ITGB5: variants seen among roughly 807,000 people sequenced by gnomAD.
ITGB5 encodes the protein integrin beta-5.
Under a neutral mutation model 84.8 loss-of-function variants are expected in ITGB5, and 38 were observed. That is an observed-to-expected ratio of 0.45 (90% CI 0.35 to 0.59). The LOEUF (loss-of-function observed/expected upper bound fraction) is 0.59. ITGB5 is among the 20% of genes least tolerant of loss of function. ITGB5 has a pLI of 0.01. For missense variants in ITGB5, 905 were observed against 1,034.5 expected, an observed-to-expected ratio of 0.87 and a Z score of 1.72; for synonymous variants, 393 against 414.4, an observed-to-expected ratio of 0.95 and a Z score of 0.63.
intron 1 of ITGB5, among the ~76,000 whole-genome samples, chr3:124,882,424 T>C (rs770080382): frequency 2.0e-5 from 3 of 152,044 alleles, no homozygotes; most frequent in Admixed American, 6.6e-5. Flanking sequence ...CAGGAGATGC[T>C]AGAAAAAGGG....
chr3:124,771,784 C>G lies in ITGB5; in HGVS notation c.1916+1906G>C, dbSNP rs188856004. ...AAAAAAAAAGGAATCGTGATATTCCCTTGTGGCATCTCTTTGCTCTCCTTG... is the reference window on the plus strand; with the variant it reads ...AAAAAAAAAGGAATCGTGATATTCCGTTGTGGCATCTCTTTGCTCTCCTTG... On this transcript the variant is annotated intron_variant, in intron 11 of 14. Coordinates refer to ENST00000296181, the MANE Select transcript of ITGB5 (RefSeq NM_002213.5). Among the ~76,000 whole-genome samples, 985 of 149,302 alleles carry G rather than the reference C, an allele frequency of 6.6e-3. 7 individuals are homozygous for G. The highest frequency in any genetic ancestry group is 0.023 in the African/African-American group (905 of 39,980).
intron 1 of ITGB5, among the ~76,000 whole-genome samples, chr3:124,883,738 G>A (rs961978458): frequency 4.6e-5 from 7 of 152,208 alleles, no homozygotes; most frequent in African/African-American, 1.7e-4. Flanking sequence ...AATTCCAGCG[G>A]TGTTGCAGGA....
intron 10 of ITGB5, among the ~76,000 whole-genome samples, chr3:124,788,171 A>T (rs2064109383): frequency 6.6e-6 from 1 of 152,084 alleles, no homozygotes; most frequent in Non-Finnish European, 1.5e-5. Context: ...CCAAAGTGCT[A>T]GGGTTACAGG....
At chr3:124,809,330 C>T (rs1169413384) in intron 8 of ITGB5, 174 bp from the exon 9 acceptor site, 2 of 624,496 alleles carry the variant, frequency 3.2e-6, no homozygotes, top group African/African-American at 1.8e-5. Flanking sequence ...CTTCTCTCTG[C>T]ACTCACACAA....
chr3:124,832,023 C>T (rs1172467571), intron 5 of ITGB5, among the ~76,000 whole-genome samples: 3 of 152,220 alleles, frequency 2.0e-5, no homozygotes, highest in Admixed American at 2.0e-4. Flanking sequence ...AACCTTGGGA[C>T]AGTACCAGTG....
chr3:124,795,640 T>G (rs1246278209), intron 10 of ITGB5, among the ~76,000 whole-genome samples: 2 of 152,126 alleles, frequency 1.3e-5, no homozygotes, highest in African/African-American at 4.8e-5. Flanking sequence ...ATGGGGAGAC[T>G]TTCCAGGGTT....
chr3:124,859,608 C>T (rs1157891042), intron 2 of ITGB5, among the ~76,000 whole-genome samples, 162 bp from the exon 3 acceptor site: 1 of 152,188 alleles, frequency 6.6e-6, no homozygotes, highest in Non-Finnish European at 1.5e-5. Flanking sequence ...CCAGATGCTT[C>T]ACCAAGTATT....
intron 10 of ITGB5, chr3:124,787,771 C>T (rs1472989461): frequency 6.6e-6 from 1 of 152,246 alleles, no homozygotes; most frequent in Admixed American, 6.5e-5. Context: ...GGCTGGCTGA[C>T]TCCAGAGATG....
chr3:124,852,394 C>T (rs2065169908), intron 3 of ITGB5, among the ~76,000 whole-genome samples: 1 of 151,968 alleles, frequency 6.6e-6, no homozygotes. Context: ...AAGCTGATCA[C>T]CTGGCACCTG....
intron 8 of ITGB5, 198 bp from the exon 9 acceptor site, chr3:124,809,354 C>G: frequency 1.7e-6 from 1 of 573,070 alleles, no homozygotes; most frequent in Non-Finnish European, 3.1e-6. Context: ...CTTGCTAGAC[C>G]CAGCCTGAGG....
intron 11 of ITGB5, among the ~76,000 whole-genome samples, chr3:124,773,260 G>C (rs559435083): frequency 3.3e-5 from 5 of 152,244 alleles, no homozygotes. Context: ...TAAGGGTTCT[G>C]TGAAACACTG....
At chr3:124,794,888 G>A (rs1328139220) in intron 10 of ITGB5, among the ~76,000 whole-genome samples, 2 of 152,064 alleles carry the variant, frequency 1.3e-5, no homozygotes, top group East Asian at 3.8e-4. Flanking sequence ...AAAGGTGAAT[G>A]TATTGTCAGG....
At chr3:124,826,699 C>T (rs916825219) in intron 5 of ITGB5, among the ~76,000 whole-genome samples, 1 of 152,204 alleles carries the variant, frequency 6.6e-6, no homozygotes, top group Non-Finnish European at 1.5e-5. Context: ...AATTCATAAA[C>T]GTGCCTGGTT....
intron 5 of ITGB5, among the ~76,000 whole-genome samples, chr3:124,825,140 T>C (rs1282251670): frequency 6.9e-6 from 1 of 145,818 alleles, no homozygotes; most frequent in Non-Finnish European, 1.5e-5. Flanking sequence ...CAGTTTGCAG[T>C]GAGCCAAGAT....
intron 1 of ITGB5, among the ~76,000 whole-genome samples, chr3:124,879,350 T>C (rs1316515006): frequency 6.6e-6 from 1 of 152,240 alleles, no homozygotes; most frequent in African/African-American, 2.4e-5. Flanking sequence ...CAGAAGTGAA[T>C]ACAGAAGCTG....
intron 1 of ITGB5, among the ~76,000 whole-genome samples, chr3:124,896,742 G>A (rs1207599487): frequency 1.7e-5 from 1 of 59,252 alleles, no homozygotes; most frequent in Admixed American, 2.2e-4. Flanking sequence ...GTGAGACCTT[G>A]TCTTAAAAAA....
chr3:124,899,132 A>G (rs987525773), intron 1 of ITGB5, among the ~76,000 whole-genome samples: 5 of 152,072 alleles, frequency 3.3e-5, no homozygotes, highest in Non-Finnish European at 7.4e-5. Flanking sequence ...AGAAAATGGT[A>G]AAGACCCCTT....
At chr3:124,889,595 T>C (rs1336653119), upstream of ITGB5, among the ~76,000 whole-genome samples, 2 of 152,254 alleles carry the variant, frequency 1.3e-5, no homozygotes, top group East Asian at 3.8e-4. Flanking sequence ...TCCTCATGTT[T>C]GTTTTGATGT....
At position 124,763,571 on chromosome 3, in the gene ITGB5, C is replaced by T; in HGVS notation, c.*52G>A. ...AGCCGAGCAGCCGTGCAAGGCGTTTCAGTCTGACCTTTTCATCAGATCCCC... is the reference window on the plus strand; with the variant it reads ...AGCCGAGCAGCCGTGCAAGGCGTTTTAGTCTGACCTTTTCATCAGATCCCC... On this transcript the variant is annotated 3_prime_UTR_variant, in exon 15 of 15. Coordinates refer to ENST00000296181, the MANE Select transcript of ITGB5 (RefSeq NM_002213.5). 8.8e-7 allele frequency: 1 copy of T among 1,131,698 alleles called. No homozygotes were observed. The allele number at this position is 1,131,698 out of a possible 1,614,324, so 70.1% of individuals were successfully genotyped here.
Sources: allele counts gnomAD v4.1 joint callset (sites outside exome capture counted in the v4.1 genomes callset), GRCh38; gene constraint gnomAD v4.1.1; transcripts MANE v1.5; gene names NCBI Gene and HGNC (gene_info 2026-07-23, HGNC 2026-07-21).